The following PLPP3 variants were observed in gnomAD, a reference collection of about 807,000 sequenced individuals.
The protein encoded by PLPP3 is phospholipid phosphatase 3.
Under a neutral mutation model 29.6 loss-of-function variants are expected in PLPP3, and 6 were observed. That is an observed-to-expected ratio of 0.20 (90% CI 0.11 to 0.40). PLPP3 has a LOEUF of 0.40. Among genes scored for constraint, PLPP3 ranks in the 10% least tolerant of loss-of-function variants. The pLI is 1.00. For missense variants in PLPP3, 308 were observed against 407.7 expected, an observed-to-expected ratio of 0.76 and a Z score of 2.11; for synonymous variants, 152 against 159.7, an observed-to-expected ratio of 0.95 and a Z score of 0.36.
intron 1 of PLPP3, among the ~76,000 whole-genome samples, chr1:56,560,832 CTTTTTTTTTTTTT>C (rs397860682): frequency 5.6e-5 from 5 of 89,368 alleles, no homozygotes; most frequent in Admixed American, 4.6e-4. Flanking sequence ...ATTCAGAGTC[CTTTTTTTTTTTTT>C]TTTTTTTTTT....
intron 1 of PLPP3, among the ~76,000 whole-genome samples, chr1:56,578,670 C>T (rs1646254366): frequency 6.6e-6 from 1 of 152,160 alleles, no homozygotes; most frequent in Admixed American, 6.5e-5. Flanking sequence ...CGCCCAGACC[C>T]ACTCAAGTAC....
At chr1:56,570,989 T>C (rs1051034921) in intron 1 of PLPP3, among the ~76,000 whole-genome samples, 1 of 152,242 alleles carries the variant, frequency 6.6e-6, no homozygotes, top group Non-Finnish European at 1.5e-5. Context: ...CATCCACTGA[T>C]ATGGATTAAA....
At chr1:56,500,483 G>A (rs1351445790) in intron 5 of PLPP3, among the ~76,000 whole-genome samples, 3 of 152,212 alleles carry the variant, frequency 2.0e-5, no homozygotes, top group Non-Finnish European at 4.4e-5. Flanking sequence ...TATAGGCAAA[G>A]GGAATAGTGT....
At chr1:56,533,201 C>T (rs199926272) in intron 2 of PLPP3, among the ~76,000 whole-genome samples, 1 of 152,002 alleles carries the variant, frequency 6.6e-6, no homozygotes, top group South Asian at 2.1e-4. Context: ...ATTACAGGCA[C>T]ATGCCACCAA....
intron 1 of PLPP3, among the ~76,000 whole-genome samples, chr1:56,550,190 T>C (rs1384455477): frequency 1.3e-5 from 2 of 152,138 alleles, no homozygotes; most frequent in African/African-American, 4.8e-5. Flanking sequence ...TCTGGGACCA[T>C]CCTCAGTTGC....
intron 5 of PLPP3, among the ~76,000 whole-genome samples, 169 bp downstream of exon 5, chr1:56,511,807 C>T (rs538508452): frequency 1.3e-5 from 2 of 151,958 alleles, no homozygotes; most frequent in East Asian, 2.0e-4. Flanking sequence ...GAATTATTCT[C>T]ATTTTACTGA....
intron 4 of PLPP3, among the ~76,000 whole-genome samples, chr1:56,522,212 A>C (rs147186359): frequency 0.01 from 1,571 of 152,330 alleles, 22 homozygotes; most frequent in African/African-American, 0.036. Context: ...AGCAAATGTC[A>C]CAGAGTAAGT....
chr1:56,536,815 ACCTT>A, intron 2 of PLPP3, 136 bp downstream of exon 2: 1 of 1,045,950 alleles, frequency 9.6e-7, no homozygotes. Flanking sequence ...AGGATTAACT[ACCTT>A]CCTTCTTGGC....
At chr1:56,555,464 A>AAAAC (rs1553139196) in intron 1 of PLPP3, among the ~76,000 whole-genome samples, 1 of 149,556 alleles carries the variant, frequency 6.7e-6, no homozygotes, top group African/African-American at 2.4e-5. Flanking sequence ...AAAAAAACAA[A>AAAAC]AAACAAACAA....
rs139178732 is a variant in PLPP3 at position 56,559,142 on chromosome 1, C to A, written c.139+19736G>T. Among the ~76,000 whole-genome samples the A allele has an allele frequency of 5.9e-5, 9 of 152,186 alleles. No individual in the cohort carries two copies. In the East Asian group the frequency reaches 1.7e-3, roughly 29 times the overall value. ...GTGAGGGGGTAGGGTGAGCAGAAAC[C>A]AGCTTAAAGAATGGAAACTCTTCGT... On this transcript the variant is annotated intron_variant, in intron 1 of 5. Coordinates refer to ENST00000371250, the MANE Select transcript of PLPP3 (RefSeq NM_003713.5).
In PLPP3 at chr1:56,566,037, T is replaced by C. The variant is rs1470195822; in HGVS notation, c.139+12841A>G. ...ATCACAAACACAGCATGCTGATACT[T>C]TGACTAGTCTAGGCAGAGGCTGATG... On this transcript the variant is annotated intron_variant, in intron 1 of 5. Coordinates refer to ENST00000371250, the MANE Select transcript of PLPP3 (RefSeq NM_003713.5). Among the ~76,000 whole-genome samples, 6 of 152,346 alleles carry C rather than the reference T, an allele frequency of 3.9e-5. No homozygotes were observed. The East Asian group carries it at 7.7e-4, about 20-fold the overall frequency.
intron 2 of PLPP3, among the ~76,000 whole-genome samples, chr1:56,531,763 CG>C (rs1300763493): frequency 6.6e-6 from 1 of 152,182 alleles, no homozygotes; most frequent in African/African-American, 2.4e-5. Context: ...AGAGTAACCT[CG>C]GGCTAGTCAC....
chr1:56,548,207 G>C (rs1646017843), intron 1 of PLPP3, among the ~76,000 whole-genome samples: 1 of 152,166 alleles, frequency 6.6e-6, no homozygotes, highest in Non-Finnish European at 1.5e-5. Context: ...CCCATTCCCA[G>C]TCCTGTCAAT....
chr1:56,555,005 G>A (rs1336192875), intron 1 of PLPP3, among the ~76,000 whole-genome samples: 1 of 152,114 alleles, frequency 6.6e-6, no homozygotes, highest in Non-Finnish European at 1.5e-5. Flanking sequence ...AGACTTAGGA[G>A]CAATGGGGTA....
chr1:56,526,540 C>T (rs1022699615), intron 2 of PLPP3, among the ~76,000 whole-genome samples: 1 of 152,184 alleles, frequency 6.6e-6, no homozygotes, highest in African/African-American at 2.4e-5. Flanking sequence ...TTTATTACCA[C>T]AATCATGTTC....
intron 1 of PLPP3, among the ~76,000 whole-genome samples, chr1:56,555,433 T>TAAAAAAAAAAAAAAAACAAAAAAAAAA (rs1646068442): frequency 9.0e-5 from 3 of 33,214 alleles, no homozygotes; most frequent in Non-Finnish European, 1.6e-4. Flanking sequence ...GGCCAAACAC[T>TAAAAAAAAAAAAAAAACAAAAAAAAAA]AAAAAAAAAA....
intron 4 of PLPP3, among the ~76,000 whole-genome samples, chr1:56,518,336 G>A (rs1264287960): frequency 2.0e-5 from 3 of 152,004 alleles, no homozygotes; most frequent in Non-Finnish European, 4.4e-5. Flanking sequence ...CCAGAGAAAG[G>A]GCTGTCAGAG....
intron 2 of PLPP3, among the ~76,000 whole-genome samples, chr1:56,530,267 C>A (rs1293006666): frequency 6.8e-6 from 1 of 146,570 alleles, no homozygotes; most frequent in Non-Finnish European, 1.5e-5. Context: ...GTGTTCCTGG[C>A]TTTCTGCTGT....
intron 2 of PLPP3, among the ~76,000 whole-genome samples, chr1:56,536,636 A>C (rs975827421): frequency 2.0e-5 from 3 of 152,164 alleles, no homozygotes; most frequent in African/African-American, 7.2e-5. Context: ...GTTCATTTGG[A>C]CAGGTTAGCC....
Sources: allele counts gnomAD v4.1 joint callset (sites outside exome capture counted in the v4.1 genomes callset), GRCh38; gene constraint gnomAD v4.1.1; transcripts MANE v1.5; gene names NCBI Gene and HGNC (gene_info 2026-07-23, HGNC 2026-07-21).